The following SUMF1 variants were observed in gnomAD, a reference collection of about 807,000 sequenced individuals.
SUMF1 encodes formylglycine-generating enzyme.
SUMF1 carries 48 observed loss-of-function variants against 47.6 expected under a neutral mutation model. The ratio of observed to expected loss-of-function variants is 1.01; its 90% CI spans 0.80 to 1.28. SUMF1 has a LOEUF of 1.28. Among genes scored for constraint, SUMF1 ranks in the 50% most tolerant of loss-of-function variants. The pLI, the probability that SUMF1 is intolerant of heterozygous loss-of-function variation, is 0.00. For synonymous variants in SUMF1, 230 were observed against 192.1 expected (o/e 1.20, Z -1.63); for missense variants, 571 against 485.4 (o/e 1.18, Z -1.66).
chr3:4,337,330 T>C (rs1197347390), intron 8 of SUMF1, among the ~76,000 whole-genome samples: 3 of 151,824 alleles, frequency 2.0e-5, no homozygotes, highest in Non-Finnish European at 2.9e-5. Context: ...CACCCTACTG[T>C]CCCCTTGTCA....
At chr3:4,154,697 T>C (rs1694413134) in intron 8 of SUMF1, among the ~76,000 whole-genome samples, 1 of 151,582 alleles carries the variant, frequency 6.6e-6, no homozygotes, top group African/African-American at 2.4e-5. Context: ...ATTTCTTGAT[T>C]GCCTACTGTG....
chr3:4,110,675 G>A (rs1693277733), intron 8 of SUMF1, among the ~76,000 whole-genome samples: 2 of 151,958 alleles, frequency 1.3e-5, no homozygotes, highest in African/African-American at 4.8e-5. Flanking sequence ...AAAAAAGGAT[G>A]AGTTCATGTC....
At chr3:4,099,812 C>A (rs368450822) in intron 8 of SUMF1, among the ~76,000 whole-genome samples, 1 of 151,416 alleles carries the variant, frequency 6.6e-6, no homozygotes, top group African/African-American at 2.4e-5. Flanking sequence ...ACACTAACCA[C>A]AAACTGTCTG....
At chr3:4,089,295 T>C (rs1692734849) in intron 8 of SUMF1, among the ~76,000 whole-genome samples, 1 of 152,164 alleles carries the variant, frequency 6.6e-6, no homozygotes, top group African/African-American at 2.4e-5. Context: ...AATCAGTTAC[T>C]CATAATACAA....
At position 4,313,198 on chromosome 3, in the gene SUMF1, C is replaced by G. The variant is rs1027434660; in HGVS notation, c.1014+63132G>C. ...CAAGACGCATAAAAAAGGCTGGGGACTTCGTACCTTGGAATTTATACCGAA... is the reference window on the plus strand; with the variant it reads ...CAAGACGCATAAAAAAGGCTGGGGAGTTCGTACCTTGGAATTTATACCGAA... On this transcript the variant is annotated intron_variant and NMD_transcript_variant, in intron 8 of 12. Transcript: ENST00000448413. The G allele has an allele frequency of 3.1e-6, 5 of 1,613,832 alleles. No individual in the cohort carries two copies. In the Admixed American group the frequency reaches 5.0e-5, roughly 16 times the overall value.
At chr3:4,285,561 T>C (rs1175347725) in intron 8 of SUMF1, among the ~76,000 whole-genome samples, 5 of 152,154 alleles carry the variant, frequency 3.3e-5, no homozygotes, top group Middle Eastern at 3.2e-3. Context: ...TGAATACAAC[T>C]TGTATGTAAT....
chr3:4,433,580 C>T (rs1702303939), intron 3 of SUMF1, among the ~76,000 whole-genome samples: 1 of 152,208 alleles, frequency 6.6e-6, no homozygotes. Flanking sequence ...ACCGTGAACC[C>T]ACCTTCACCC....
At chr3:4,316,165 TG>T (rs745941837) in intron 8 of SUMF1, 29 of 634,000 alleles carry the variant, frequency 4.6e-5, no homozygotes, top group South Asian at 1.1e-4. Flanking sequence ...CATTTCTTTA[TG>T]TTTTTTTGCT....
intron 8 of SUMF1, among the ~76,000 whole-genome samples, chr3:4,089,044 A>T (rs1425404942): frequency 6.6e-6 from 1 of 152,106 alleles, no homozygotes; most frequent in Admixed American, 6.5e-5. Flanking sequence ...GACAGATGAC[A>T]TATACCCCTG....
At chr3:4,464,783 C>A (rs1303517016) in intron 1 of SUMF1, among the ~76,000 whole-genome samples, 2 of 152,178 alleles carry the variant, frequency 1.3e-5, no homozygotes, top group Non-Finnish European at 2.9e-5. Context: ...GTCTTGATAA[C>A]AAGACTGCTT....
chr3:4,172,850 T>C (rs1367449650), intron 8 of SUMF1, among the ~76,000 whole-genome samples: 2 of 152,184 alleles, frequency 1.3e-5, no homozygotes, highest in African/African-American at 2.4e-5. Context: ...CTGTGCTCTT[T>C]AGTTTAATTA....
rs78822993 is a variant in SUMF1 at position 4,053,948 on chromosome 3, T to C, written c.1191+14621A>G. ...TTTATCATAATTACTGGCTCTGAAG[T>C]AATTTGGAAGCCCTACAATGACCTA... On this transcript the variant is annotated intron_variant and NMD_transcript_variant, in intron 9 of 12. Coordinates refer to the SUMF1 transcript ENST00000448413. Among the ~76,000 whole-genome samples the C allele has an allele frequency of 9.7e-3, 1,474 of 152,216 alleles. 29 individuals carry two copies. The highest frequency in any genetic ancestry group is 0.034 in the African/African-American group (1,398 of 41,548).
At chr3:4,250,334 A>C (rs965335586) in intron 8 of SUMF1, among the ~76,000 whole-genome samples, 6 of 150,930 alleles carry the variant, frequency 4.0e-5, no homozygotes, top group Admixed American at 2.6e-4. Flanking sequence ...GAGGGAGGGA[A>C]GGAAGGGAAG....
At chr3:4,246,451 G>C (rs113641104) in intron 8 of SUMF1, among the ~76,000 whole-genome samples, 5,046 of 152,098 alleles carry the variant, frequency 0.033, 305 homozygotes, top group African/African-American at 0.12. Context: ...GCCCAGGCTG[G>C]AGTACAGTGG....
At chr3:4,167,113 G>A (rs1332114251) in intron 8 of SUMF1, among the ~76,000 whole-genome samples, 2 of 152,194 alleles carry the variant, frequency 1.3e-5, no homozygotes, top group African/African-American at 4.8e-5. Flanking sequence ...GTGGGTTCAT[G>A]ATCTCACTAA....
chr3:4,299,276 G>A (rs1187487536), intron 8 of SUMF1, among the ~76,000 whole-genome samples: 1 of 152,172 alleles, frequency 6.6e-6, no homozygotes, highest in Non-Finnish European at 1.5e-5. Flanking sequence ...CAGCTCCCAG[G>A]CAGCTCTGTG....
intron 7 of SUMF1, among the ~76,000 whole-genome samples, chr3:4,398,513 T>C (rs986700296): frequency 6.6e-6 from 1 of 152,166 alleles, no homozygotes; most frequent in Non-Finnish European, 1.5e-5. Context: ...AAATGAGTCA[T>C]ACTATGACAT....
At chr3:4,257,612 G>T (rs1696985128) in intron 8 of SUMF1, among the ~76,000 whole-genome samples, 1 of 149,102 alleles carries the variant, frequency 6.7e-6, no homozygotes, top group Non-Finnish European at 1.5e-5. Context: ...AAATAAAAGA[G>T]GATACAAACA....
At chr3:4,245,727 T>C (rs150249194) in intron 8 of SUMF1, among the ~76,000 whole-genome samples, 1 of 152,288 alleles carries the variant, frequency 6.6e-6, no homozygotes, top group Non-Finnish European at 1.5e-5. Context: ...AGTCTGTCCA[T>C]TATCAGAGCT....
Sources: allele counts gnomAD v4.1 joint callset (sites outside exome capture counted in the v4.1 genomes callset), GRCh38; gene constraint gnomAD v4.1.1; transcripts MANE v1.5; gene names NCBI Gene and HGNC (gene_info 2026-07-23, HGNC 2026-07-21).